The following HSF2BP variants were observed in gnomAD, a reference collection of about 807,000 sequenced individuals.
HSF2BP encodes heat shock transcription factor 2 binding protein, also known as heat shock factor 2-binding protein.
Under a neutral mutation model 35.0 loss-of-function variants are expected in HSF2BP, and 35 were observed. The observed-to-expected ratio is 1.00, with a 90% CI of 0.76 to 1.32. The LOEUF (loss-of-function observed/expected upper bound fraction) is 1.32. Among genes scored for constraint, HSF2BP ranks in the 40% most tolerant of loss-of-function variants. The pLI is 0.00. For synonymous variants in HSF2BP, 114 were observed against 117.4 expected (o/e 0.97, Z 0.18); for missense variants, 326 against 321.7 (o/e 1.01, Z -0.10).
intron 4 of HSF2BP, among the ~76,000 whole-genome samples, chr21:43,639,430 CA>C (rs1321081141): frequency 6.6e-6 from 1 of 151,986 alleles, no homozygotes; most frequent in African/African-American, 2.4e-5. Flanking sequence ...TAGAATATAT[CA>C]AGAGCTCAAA....
At chr21:43,646,502 T>G (rs2082710604) in intron 3 of HSF2BP, among the ~76,000 whole-genome samples, 1 of 152,222 alleles carries the variant, frequency 6.6e-6, no homozygotes, top group Non-Finnish European at 1.5e-5. Flanking sequence ...CATTTAACTG[T>G]TAAATTTGGC....
intron 8 of HSF2BP, among the ~76,000 whole-genome samples, chr21:43,576,544 T>C (rs2081646746): frequency 6.6e-6 from 1 of 152,236 alleles, no homozygotes; most frequent in African/African-American, 2.4e-5. Context: ...GCGCCAGTCA[T>C]GTACAGTCTA....
intron 4 of HSF2BP, among the ~76,000 whole-genome samples, chr21:43,642,278 G>A (rs1158466642): frequency 1.3e-5 from 2 of 152,018 alleles, no homozygotes; most frequent in Non-Finnish European, 2.9e-5. Flanking sequence ...GAGGAGGATC[G>A]CTTAAGCCCA....
At chr21:43,652,509 A>T (rs886527091) in intron 3 of HSF2BP, among the ~76,000 whole-genome samples, 1 of 152,110 alleles carries the variant, frequency 6.6e-6, no homozygotes, top group African/African-American at 2.4e-5. Flanking sequence ...TCAGTATGTC[A>T]AACGGCTCTT....
intron 6 of HSF2BP, among the ~76,000 whole-genome samples, chr21:43,618,436 G>C (rs1228514675): frequency 1.3e-5 from 2 of 152,154 alleles, no homozygotes; most frequent in East Asian, 3.8e-4. Flanking sequence ...GTAGAATTGA[G>C]AGTACAGAAA....
chr21:43,579,693 C>G (rs1461124125), intron 8 of HSF2BP, among the ~76,000 whole-genome samples: 2 of 152,196 alleles, frequency 1.3e-5, no homozygotes, highest in Non-Finnish European at 2.9e-5. Flanking sequence ...TGACCCTGTG[C>G]TCTATGGGAA....
At position 43,592,270 on chromosome 21, in the gene HSF2BP, T is replaced by C. The variant is rs2081935807; in HGVS notation, c.751A>G (p.Ser251Gly). 1 of 1,613,968 alleles carries C rather than the reference T, an allele frequency of 6.2e-7. No homozygotes were observed. The highest frequency in any genetic ancestry group is 8.5e-7 in the Non-Finnish European group (1 of 1,179,872). ...AAAGGGATGAATCCTGGACTCTCGCTGATGTATTTCAAGCCTTTCAAATTG... is the reference window on the plus strand; with the variant it reads ...AAAGGGATGAATCCTGGACTCTCGCCGATGTATTTCAAGCCTTTCAAATTG... Reference protein sequence around the residue: ...SINLKGLKYISESPGFIPLLW... With the variant: ...SINLKGLKYIGESPGFIPLLW... The change falls in exon 8 of 9, where the codon AGC becomes GGC. Residue 251 changes from serine (S) to glycine (G), a missense_variant. Ser to Gly is a moderately conservative substitution (Grantham distance 56). Coordinates refer to ENST00000291560, the MANE Select transcript of HSF2BP (RefSeq NM_007031.2).
At position 43,578,255 on chromosome 21, in the gene HSF2BP, G is replaced by T. The variant is rs112056705; in HGVS notation, c.796+13970C>A. 3.8e-3 allele frequency among the ~76,000 whole-genome samples: 581 copies of T among 152,182 alleles called. 3 individuals are homozygous for T. The highest frequency in any genetic ancestry group is 0.01 in the Middle Eastern group (3 of 294). ...CATTTTCAACCCTGTCTCACATTAG[G>T]ATCCTTCAGAGAGACTTACAAATCC... On this transcript the variant is annotated intron_variant, in intron 8 of 8. Coordinates refer to ENST00000291560, the MANE Select transcript of HSF2BP (RefSeq NM_007031.2).
intron 3 of HSF2BP, among the ~76,000 whole-genome samples, chr21:43,653,122 AAC>A (rs1234534473): frequency 4.0e-5 from 6 of 151,412 alleles, no homozygotes; most frequent in African/African-American, 1.5e-4. Context: ...AAGCCTGGGC[AAC>A]AGAGTGAGAC....
chr21:43,641,754 C>G (rs9976870), intron 4 of HSF2BP, among the ~76,000 whole-genome samples: 1 of 151,928 alleles, frequency 6.6e-6, no homozygotes, highest in Non-Finnish European at 1.5e-5. Flanking sequence ...TCAAGACCAG[C>G]CTGGCCAACA....
chr21:43,621,538 A>AG (rs1364499050), intron 6 of HSF2BP, among the ~76,000 whole-genome samples: 3 of 152,128 alleles, frequency 2.0e-5, no homozygotes, highest in African/African-American at 7.2e-5. Flanking sequence ...GAAAAAAAAA[A>AG]AAGAAGAAGA....
intron 4 of HSF2BP, among the ~76,000 whole-genome samples, chr21:43,636,365 A>G (rs1410350829): frequency 6.6e-6 from 1 of 152,148 alleles, no homozygotes; most frequent in African/African-American, 2.4e-5. Flanking sequence ...TTTCTTAGAT[A>G]TCACAAAATC....
At chr21:43,614,176 C>A (rs2082243295) in intron 6 of HSF2BP, among the ~76,000 whole-genome samples, 1 of 151,876 alleles carries the variant, frequency 6.6e-6, no homozygotes, top group Non-Finnish European at 1.5e-5. Flanking sequence ...CCAGCCTGGG[C>A]AACACAGCAA....
intron 7 of HSF2BP, among the ~76,000 whole-genome samples, chr21:43,593,039 G>A (rs987862649): frequency 1.3e-5 from 2 of 152,168 alleles, no homozygotes; most frequent in Non-Finnish European, 2.9e-5. Context: ...TTGAAATAAT[G>A]AATGAATTTG....
chr21:43,612,035 C>T (rs1402060491), intron 7 of HSF2BP, among the ~76,000 whole-genome samples: 1 of 152,132 alleles, frequency 6.6e-6, no homozygotes, highest in East Asian at 1.9e-4. Context: ...GGCCACTGGG[C>T]GGCACTCACG....
In HSF2BP at chr21:43,658,051, CCTCA is replaced by C; in HGVS notation, c.36+6_36+9del. Reference sequence around the variant, plus strand: ...AACACGCTGGCGTCGGCCAGGGCTTCCTCACTAACCCGGCAGGCCTCCTCAGCGG... The same window carrying C: ...AACACGCTGGCGTCGGCCAGGGCTTCCTAACCCGGCAGGCCTCCTCAGCGG... On this transcript the variant is annotated splice_donor_region_variant and intron_variant, in intron 2 of 8. Coordinates refer to ENST00000291560, the MANE Select transcript of HSF2BP (RefSeq NM_007031.2). 6.5e-7 allele frequency: 1 copy of C among 1,535,894 alleles called. No individual in the cohort carries two copies. Among genetic ancestry groups the C allele is most frequent in the Non-Finnish European group, 8.7e-7 (1 of 1,146,314 alleles).
chr21:43,655,214 C>G (rs2082849974), intron 3 of HSF2BP, among the ~76,000 whole-genome samples: 1 of 152,214 alleles, frequency 6.6e-6, no homozygotes, highest in Non-Finnish European at 1.5e-5. Flanking sequence ...GCCTATTTAC[C>G]TTCCTTTCCT....
At chr21:43,627,250 G>C (rs534758735) in intron 6 of HSF2BP, among the ~76,000 whole-genome samples, 2 of 152,180 alleles carry the variant, frequency 1.3e-5, no homozygotes, top group Admixed American at 1.3e-4. Context: ...ATAACTCTCA[G>C]GGAAAGGTTT....
intron 6 of HSF2BP, among the ~76,000 whole-genome samples, chr21:43,622,314 A>G (rs1241925234): frequency 6.6e-6 from 1 of 152,210 alleles, no homozygotes; most frequent in Non-Finnish European, 1.5e-5. Flanking sequence ...AGCAGTAATA[A>G]GTCCTTACTT....
Sources: gnomAD v4.1 joint callset for allele counts (sites outside exome capture counted in the v4.1 genomes callset) on GRCh38, gnomAD v4.1.1 for gene constraint, MANE v1.5 for transcripts, NCBI Gene and HGNC (gene_info 2026-07-23, HGNC 2026-07-21) for gene names.